Variants in GRID2 observed in about 807,000 individuals in gnomAD.
The protein encoded by GRID2 is glutamate receptor ionotropic, delta-2.
A neutral mutation model predicts 114.8 loss-of-function variants in GRID2; 33 were observed. That is an observed-to-expected ratio of 0.29 (90% CI 0.22 to 0.38). The LOEUF is 0.38. Among genes scored for constraint, GRID2 ranks in the 10% least tolerant of loss-of-function variants. The probability of loss-of-function intolerance (pLI) is 1.00; values close to 1 mark genes in which losing one functional copy is unlikely to be tolerated. For synonymous variants in GRID2, 505 were observed against 449.9 expected (o/e 1.12, Z -1.55); for missense variants, 1,184 against 1,257.7 (o/e 0.94, Z 0.89).
At chr4:93,797,662 C>T (rs1734830299) in intron 1 of GRID2, among the ~76,000 whole-genome samples, 1 of 152,044 alleles carries the variant, frequency 6.6e-6, no homozygotes, top group South Asian at 2.1e-4. Flanking sequence ...AGAGTCAAGG[C>T]CCTGTGTGTC....
intron 2 of GRID2, among the ~76,000 whole-genome samples, chr4:92,917,538 T>C (rs1397475532): frequency 1.3e-5 from 2 of 152,214 alleles, no homozygotes; most frequent in African/African-American, 4.8e-5. Context: ...AATTTTTGTA[T>C]AAGATGTAAG....
Position 92,313,317 on chromosome 4 carries a change from G to A in GRID2, c.88+8573G>A, listed in dbSNP as rs563957302. Among the ~76,000 whole-genome samples the A allele has an allele frequency of 7.9e-5, 12 of 152,012 alleles. No individual in the cohort carries two copies. In the South Asian group the frequency reaches 2.3e-3, roughly 29 times the overall value. ...CATAATAATAATACAGTGGACTTTGGGGACTTGCGAAGAAGGGTTGGTGGG... is the reference window on the plus strand; with the variant it reads ...CATAATAATAATACAGTGGACTTTGAGGACTTGCGAAGAAGGGTTGGTGGG... On this transcript the variant is annotated intron_variant, in intron 1 of 15. Coordinates refer to ENST00000282020, the MANE Select transcript of GRID2 (RefSeq NM_001510.4).
At chr4:93,542,928 A>G (rs1011023040) in intron 13 of GRID2, among the ~76,000 whole-genome samples, 9 of 152,228 alleles carry the variant, frequency 5.9e-5, no homozygotes, top group African/African-American at 2.2e-4. Context: ...GATCCTGGTC[A>G]TATATGAGCT....
At chr4:93,480,952 A>G (rs1016774428) in intron 11 of GRID2, among the ~76,000 whole-genome samples, 1 of 151,954 alleles carries the variant, frequency 6.6e-6, no homozygotes, top group Non-Finnish European at 1.5e-5. Context: ...TTCAAATTTC[A>G]TGCATTTTTG....
chr4:92,701,244 C>T (rs1352470218), intron 2 of GRID2, among the ~76,000 whole-genome samples: 1 of 151,988 alleles, frequency 6.6e-6, no homozygotes, highest in Non-Finnish European at 1.5e-5. Flanking sequence ...TAATAAAAAC[C>T]TAATATTTTT....
chr4:93,714,575 C>A (rs2110176416), intron 14 of GRID2, among the ~76,000 whole-genome samples: 1 of 152,304 alleles, frequency 6.6e-6, no homozygotes, highest in South Asian at 2.1e-4. Context: ...TTTTGCTCCA[C>A]AACCTCACCA....
At chr4:93,133,900 A>C (rs2149378386) in intron 4 of GRID2, among the ~76,000 whole-genome samples, 1 of 152,334 alleles carries the variant, frequency 6.6e-6, no homozygotes, top group Middle Eastern at 3.4e-3. Flanking sequence ...TTCAAAGTAA[A>C]GGTTAAGGAA....
chr4:93,536,647 CTT>C (rs200767918), intron 13 of GRID2, among the ~76,000 whole-genome samples: 32 of 68,188 alleles, frequency 4.7e-4, no homozygotes, highest in Admixed American at 6.1e-4. Context: ...TTTTTGACTT[CTT>C]TTTTTTTTTT....
intron 14 of GRID2, among the ~76,000 whole-genome samples, chr4:93,730,244 C>T (rs913888708): frequency 5.9e-5 from 9 of 152,140 alleles, no homozygotes; most frequent in African/African-American, 2.2e-4. Flanking sequence ...TTGCAGAAGA[C>T]TGAAGACAAA....
At chr4:92,348,554 T>G (rs1727898417) in intron 1 of GRID2, among the ~76,000 whole-genome samples, 1 of 152,210 alleles carries the variant, frequency 6.6e-6, no homozygotes, top group Admixed American at 6.5e-5. Flanking sequence ...AGAGCTAGTT[T>G]CAGCTTTCTT....
At chr4:92,325,446 A>G (rs62310999) in intron 1 of GRID2, among the ~76,000 whole-genome samples, 1,713 of 151,912 alleles carry the variant, frequency 0.011, 25 homozygotes, top group Admixed American at 0.017. Flanking sequence ...AATGTAATAG[A>G]CTTTATTTAA....
intron 2 of GRID2, among the ~76,000 whole-genome samples, chr4:92,965,254 G>C (rs558258045): frequency 6.6e-6 from 1 of 151,598 alleles, no homozygotes; most frequent in African/African-American, 2.4e-5. Flanking sequence ...GGCATGATTT[G>C]TGTCCCCTCC....
chr4:93,516,032 C>T (rs910964220), intron 13 of GRID2, among the ~76,000 whole-genome samples: 8 of 152,206 alleles, frequency 5.3e-5, no homozygotes, highest in Non-Finnish European at 1.0e-4. Context: ...AACATATATA[C>T]GGAAGCAATT....
At chr4:93,121,070 A>G (rs1309927972) in intron 4 of GRID2, among the ~76,000 whole-genome samples, 3 of 152,182 alleles carry the variant, frequency 2.0e-5, no homozygotes, top group Non-Finnish European at 2.9e-5. Context: ...CGTTCTGCAC[A>G]TGTATCCCAG....
At chr4:92,570,375 G>C (rs944026246) in intron 1 of GRID2, among the ~76,000 whole-genome samples, 6 of 152,114 alleles carry the variant, frequency 3.9e-5, no homozygotes, top group African/African-American at 1.4e-4. Flanking sequence ...GGTATAGTTT[G>C]AAGTGAGATA....
At chr4:93,601,896 A>G (rs967745351) in intron 13 of GRID2, among the ~76,000 whole-genome samples, 3 of 152,168 alleles carry the variant, frequency 2.0e-5, no homozygotes, top group Non-Finnish European at 4.4e-5. Context: ...TGCTGGGCCA[A>G]GAAGTTAGTG....
intron 9 of GRID2, among the ~76,000 whole-genome samples, chr4:93,410,396 C>CTCCAA (rs1248065977): frequency 1.3e-5 from 2 of 152,120 alleles, no homozygotes; most frequent in Non-Finnish European, 2.9e-5. Context: ...CTTCTATTTT[C>CTCCAA]ACTTCTCCAA....
chr4:93,623,533 C>A (rs991995249), intron 13 of GRID2, among the ~76,000 whole-genome samples: 14 of 152,106 alleles, frequency 9.2e-5, no homozygotes, highest in Non-Finnish European at 1.8e-4. Flanking sequence ...GACACATGCA[C>A]CTGTATGTTT....
At chr4:92,832,784 A>G (rs1742207186) in intron 2 of GRID2, among the ~76,000 whole-genome samples, 1 of 151,956 alleles carries the variant, frequency 6.6e-6, no homozygotes, top group South Asian at 2.1e-4. Context: ...CTCTGTCACA[A>G]TAATAATAAT....
Sources: gnomAD v4.1 joint callset for allele counts (sites outside exome capture counted in the v4.1 genomes callset) on GRCh38, gnomAD v4.1.1 for gene constraint, MANE v1.5 for transcripts, NCBI Gene and HGNC (gene_info 2026-07-23, HGNC 2026-07-21) for gene names.